RNLS: variants seen among roughly 807,000 people sequenced by gnomAD.
RNLS encodes the protein renalase, FAD dependent amine oxidase.
RNLS carries 39 observed loss-of-function variants against 39.8 expected under a neutral mutation model. The observed-to-expected ratio is 0.98, with a 90% confidence interval of 0.76 to 1.28. The LOEUF (loss-of-function observed/expected upper bound fraction) is 1.28. Among genes scored for constraint, RNLS ranks in the 50% most tolerant of loss-of-function variants. The probability of loss-of-function intolerance (pLI) is 0.00; values close to 1 mark genes in which losing one functional copy is unlikely to be tolerated. For synonymous variants in RNLS, 147 were observed against 150.7 expected (o/e 0.98, Z 0.18); for missense variants, 410 against 413.3 (o/e 0.99, Z 0.07).
chr10:88,375,794 T>TAATA (rs1255460407), intron 4 of RNLS, among the ~76,000 whole-genome samples: 1 of 152,074 alleles, frequency 6.6e-6, no homozygotes, highest in African/African-American at 2.4e-5. Context: ...TAAAACAGAT[T>TAATA]AATAGGAGAA....
the RNLS span, among the ~76,000 whole-genome samples, chr10:88,250,813 G>C: frequency 6.6e-6 from 1 of 152,140 alleles, no homozygotes; most frequent in Non-Finnish European, 1.5e-5. Context: ...AACTTCAATA[G>C]CTTGAGATGT....
chr10:88,399,392 C>T (rs781147765), intron 4 of RNLS, among the ~76,000 whole-genome samples: 1 of 151,904 alleles, frequency 6.6e-6, no homozygotes, highest in Non-Finnish European at 1.5e-5. Flanking sequence ...CCCAAATGTG[C>T]ATTAATTGAT....
chr10:88,550,459 A>G (rs1338758590), intron 4 of RNLS, among the ~76,000 whole-genome samples: 1 of 152,212 alleles, frequency 6.6e-6, no homozygotes. Context: ...TCATTCATTT[A>G]AGAAATATTT....
intron 4 of RNLS, among the ~76,000 whole-genome samples, chr10:88,480,052 A>C (rs2765457): frequency 0.84 from 127,565 of 152,122 alleles, 53,862 homozygotes; most frequent in East Asian, 1. Flanking sequence ...CATATTCTTA[A>C]ATTACTGAGT....
the RNLS span, among the ~76,000 whole-genome samples, chr10:88,196,231 G>A: frequency 6.7e-6 from 1 of 150,130 alleles, no homozygotes; most frequent in Non-Finnish European, 1.5e-5. Flanking sequence ...AAGTGGGAGG[G>A]TGGGAGGGTT....
chr10:88,387,994 G>A (rs553661992), intron 4 of RNLS, among the ~76,000 whole-genome samples: 1 of 152,194 alleles, frequency 6.6e-6, no homozygotes, highest in East Asian at 1.9e-4. Context: ...ATGTCTAGAG[G>A]GCTCAGAGGG....
At chr10:88,508,266 C>T (rs1227897402) in intron 4 of RNLS, among the ~76,000 whole-genome samples, 2 of 152,108 alleles carry the variant, frequency 1.3e-5, no homozygotes, top group Non-Finnish European at 2.9e-5. Flanking sequence ...TGCAAATAGA[C>T]AGATCTGTGT....
intron 4 of RNLS, among the ~76,000 whole-genome samples, chr10:88,406,337 T>A (rs758690017): frequency 2.0e-5 from 3 of 152,150 alleles, no homozygotes; most frequent in Non-Finnish European, 4.4e-5. Flanking sequence ...TTTAGAATTC[T>A]CTTCTTCCTC....
the RNLS span, among the ~76,000 whole-genome samples, chr10:88,209,246 ATG>A: frequency 1.3e-5 from 2 of 152,110 alleles, no homozygotes; most frequent in African/African-American, 4.8e-5. Context: ...GAACCTGTGA[ATG>A]TGATCTTATT....
At chr10:88,226,738 CTTTTTTT>C in the RNLS span, among the ~76,000 whole-genome samples, 32 of 69,464 alleles carry the variant, frequency 4.6e-4, 1 homozygote, top group African/African-American at 1.1e-3. Flanking sequence ...TCTCCCTTCA[CTTTTTTT>C]TTTTTTTTTT....
intron 5 of RNLS, among the ~76,000 whole-genome samples, chr10:88,341,756 T>C (rs1227816329): frequency 6.6e-6 from 1 of 152,182 alleles, no homozygotes; most frequent in Non-Finnish European, 1.5e-5. Context: ...CCAAGTGAGA[T>C]GCTAGCTTAA....
At chr10:88,459,338 A>G (rs962923602) in intron 4 of RNLS, among the ~76,000 whole-genome samples, 1 of 152,146 alleles carries the variant, frequency 6.6e-6, no homozygotes, top group Non-Finnish European at 1.5e-5. Flanking sequence ...GATTAGGTCC[A>G]TTAGTGGATA....
Position 88,306,865 on chromosome 10 carries a change from C to T in RNLS, c.876+7601G>A, listed in dbSNP as rs116689502. 3.9e-3 allele frequency among the ~76,000 whole-genome samples: 586 copies of T among 152,162 alleles called. 1 individual carries two copies. The highest frequency in any genetic ancestry group is 0.02 in the Middle Eastern group (6 of 294). ...TCCTGATACCAAAACGTAGCACAGA[C>T]ATGACAAAAAAAGAAAACTTCAGGC... On this transcript the variant is annotated intron_variant, in intron 6 of 6. Coordinates refer to ENST00000331772, the MANE Select transcript of RNLS (RefSeq NM_001031709.3).
At chr10:88,201,694 CAAAA>C in the RNLS span, among the ~76,000 whole-genome samples, 1 of 147,142 alleles carries the variant, frequency 6.8e-6, no homozygotes, top group Non-Finnish European at 1.5e-5. Context: ...AATTGTGAGC[CAAAA>C]AAAAAAAAGG....
At chr10:88,263,718 G>C in the RNLS span, among the ~76,000 whole-genome samples, 1 of 152,072 alleles carries the variant, frequency 6.6e-6, no homozygotes, top group East Asian at 1.9e-4. Flanking sequence ...TCTCAGCTCA[G>C]CTATTTGCTA....
chr10:88,521,666 AC>A (rs1242559332), intron 4 of RNLS, among the ~76,000 whole-genome samples: 1 of 152,094 alleles, frequency 6.6e-6, no homozygotes, highest in African/African-American at 2.4e-5. Context: ...TTAGGACAAA[AC>A]ACATTTCAGA....
intron 6 of RNLS, among the ~76,000 whole-genome samples, chr10:88,288,982 A>T (rs2132641457): frequency 2.0e-5 from 3 of 152,290 alleles, no homozygotes; most frequent in Admixed American, 2.0e-4. Flanking sequence ...ACCACAGCTC[A>T]ATGACTGTGT....
intron 6 of RNLS, among the ~76,000 whole-genome samples, chr10:88,293,635 A>C (rs1462334967): frequency 1.3e-5 from 2 of 152,226 alleles, no homozygotes; most frequent in Non-Finnish European, 2.9e-5. Context: ...TTGAAGAATT[A>C]AAAGATAACA....
At chr10:88,322,257 C>T (rs1481782209) in intron 5 of RNLS, among the ~76,000 whole-genome samples, 6 of 152,126 alleles carry the variant, frequency 3.9e-5, no homozygotes, top group East Asian at 3.8e-4. Flanking sequence ...AACCCTCCAA[C>T]GAACTAGGCA....
Sources: gnomAD v4.1 joint callset for allele counts (sites outside exome capture counted in the v4.1 genomes callset) on GRCh38, gnomAD v4.1.1 for gene constraint, MANE v1.5 for transcripts, NCBI Gene and HGNC (gene_info 2026-07-23, HGNC 2026-07-21) for gene names.